The following STK38L variants were observed in gnomAD, a reference collection of about 807,000 sequenced individuals.
STK38L encodes the protein serine/threonine-protein kinase 38-like.
STK38L carries 28 observed loss-of-function variants against 59.7 expected under a neutral mutation model. The ratio of observed to expected loss-of-function variants is 0.47; its 90% CI spans 0.35 to 0.64. The LOEUF (loss-of-function observed/expected upper bound fraction) is 0.64. Among genes scored for constraint, STK38L ranks in the 30% least tolerant of loss-of-function variants. The pLI, the probability that STK38L is intolerant of heterozygous loss-of-function variation, is 0.01. For missense variants in STK38L, 314 were observed against 555.8 expected, an observed-to-expected ratio of 0.56 and a Z score of 4.37; for synonymous variants, 162 against 176.8, an observed-to-expected ratio of 0.92 and a Z score of 0.66.
intron 1 of STK38L, among the ~76,000 whole-genome samples, chr12:27,254,672 G>A (rs1174939764): frequency 1.3e-5 from 2 of 152,146 alleles, no homozygotes; most frequent in East Asian, 1.9e-4. Flanking sequence ...CTAGGCCAGC[G>A]GTTGGCAGCT....
chr12:27,317,878 G>C lies in STK38L; in HGVS notation c.956-18G>C, dbSNP rs765237975. On this transcript the variant is annotated intron_variant, in intron 10 of 13. Coordinates refer to ENST00000389032, the MANE Select transcript of STK38L (RefSeq NM_015000.4). Reference sequence around the variant, plus strand: ...CTCACAAAGCTGATGAAACATTTTTGATTTATTTGATACATAGGATATCCA... The same window carrying C: ...CTCACAAAGCTGATGAAACATTTTTCATTTATTTGATACATAGGATATCCA... 8.1e-6 allele frequency: 13 copies of C among 1,610,386 alleles called. No homozygotes were observed. Among genetic ancestry groups the C allele is most frequent in the Non-Finnish European group, 1.1e-5 (13 of 1,179,012 alleles).
At chr12:27,273,250 G>A (rs552110974) in intron 1 of STK38L, among the ~76,000 whole-genome samples, 1 of 152,238 alleles carries the variant, frequency 6.6e-6, no homozygotes, top group South Asian at 2.1e-4. Context: ...GAGGCAGAAT[G>A]GGAGGGGTCC....
chr12:27,313,225 G>A (rs1414746501), intron 6 of STK38L, among the ~76,000 whole-genome samples: 1 of 147,258 alleles, frequency 6.8e-6, no homozygotes, highest in Non-Finnish European at 1.5e-5. Context: ...TCCGGCCTGG[G>A]CGAAAACAGC....
intron 1 of STK38L, among the ~76,000 whole-genome samples, chr12:27,254,340 A>C (rs1257304730): frequency 6.6e-6 from 1 of 152,258 alleles, no homozygotes; most frequent in Non-Finnish European, 1.5e-5. Flanking sequence ...ATTTTTTAAA[A>C]ATAACACAGT....
At chr12:27,316,828 A>G (rs1179469565) in intron 9 of STK38L, among the ~76,000 whole-genome samples, 3 of 152,206 alleles carry the variant, frequency 2.0e-5, no homozygotes, top group Non-Finnish European at 4.4e-5. Context: ...TCATCTTCAT[A>G]TCAACTCTAT....
chr12:27,249,048 G>A (rs1942917251), intron 1 of STK38L, among the ~76,000 whole-genome samples: 1 of 152,182 alleles, frequency 6.6e-6, no homozygotes. Context: ...AAAGGTGTGT[G>A]AGTAGGTCTA....
chr12:27,270,612 A>G (rs920419856), intron 1 of STK38L, among the ~76,000 whole-genome samples: 13 of 152,222 alleles, frequency 8.5e-5, no homozygotes, highest in African/African-American at 2.9e-4. Flanking sequence ...TCCTGACCTC[A>G]AGTAATCCAC....
chr12:27,291,406 T>G (rs1336792233), intron 1 of STK38L, among the ~76,000 whole-genome samples: 1 of 152,166 alleles, frequency 6.6e-6, no homozygotes, highest in Non-Finnish European at 1.5e-5. Context: ...GGCATCACCT[T>G]CTGTATTAAA....
At chr12:27,265,388 A>C (rs1943282580) in intron 1 of STK38L, among the ~76,000 whole-genome samples, 1 of 152,052 alleles carries the variant, frequency 6.6e-6, no homozygotes, top group South Asian at 2.1e-4. Flanking sequence ...GGGCTGCATT[A>C]TTTTTCATTA....
intron 1 of STK38L, among the ~76,000 whole-genome samples, chr12:27,275,030 A>G (rs1943503439): frequency 6.6e-6 from 1 of 152,154 alleles, no homozygotes; most frequent in South Asian, 2.1e-4. Context: ...CCAACAATCT[A>G]AATTGTAAAT....
intron 1 of STK38L, among the ~76,000 whole-genome samples, chr12:27,250,037 AACTAACATG>A (rs776887967): frequency 2.0e-4 from 30 of 152,202 alleles, no homozygotes; most frequent in Non-Finnish European, 3.5e-4. Context: ...AGATGGCAGA[AACTAACATG>A]AGGGCATGAT....
intron 1 of STK38L, among the ~76,000 whole-genome samples, chr12:27,249,803 C>T (rs1295593282): frequency 6.6e-6 from 1 of 152,166 alleles, no homozygotes; most frequent in Non-Finnish European, 1.5e-5. Context: ...AGAATTTCTA[C>T]ATGTTATAAT....
At chr12:27,280,724 C>T (rs1195110056) in intron 1 of STK38L, among the ~76,000 whole-genome samples, 3 of 152,176 alleles carry the variant, frequency 2.0e-5, no homozygotes. Context: ...CATTCTGATA[C>T]TTTTTTCCTA....
In STK38L at chr12:27,308,552, C is replaced by T. The variant is rs939424493; in HGVS notation, c.309+91C>T. On this transcript the variant is annotated intron_variant, in intron 4 of 13. Coordinates refer to ENST00000389032, the MANE Select transcript of STK38L (RefSeq NM_015000.4). This position sits in a 1 kb window ranked among gnomAD's most constrained non-coding sequence, Gnocchi z 4.5. ...TTAAAATATAATTCCTGGCTGGGTG[C>T]GGTGGCTCACGCCTGTAATCCCAAT... is the stretch of plus-strand genomic sequence containing the variant. 27 of 1,262,630 alleles carry T rather than the reference C, an allele frequency of 2.1e-5. No individual in the cohort carries two copies. Among genetic ancestry groups the T allele is most frequent in the East Asian group, 1.5e-4 (4 of 27,102 alleles). The allele number at this position is 1,262,630 out of a possible 1,614,324, so 78.2% of individuals were successfully genotyped here.
At chr12:27,312,528 T>A (rs1455017291) in intron 5 of STK38L, 21 bp from the exon 6 acceptor site, 17 of 1,609,934 alleles carry the variant, frequency 1.1e-5, no homozygotes, top group Non-Finnish European at 1.4e-5. Flanking sequence ...AATTATTTTT[T>A]TCAAAAATAT....
At chr12:27,246,386 A>G (rs541970725) in intron 1 of STK38L, among the ~76,000 whole-genome samples, 27 of 152,346 alleles carry the variant, frequency 1.8e-4, no homozygotes, top group African/African-American at 5.3e-4. Context: ...AGAGCCAGAA[A>G]GATTTGCATC....
chr12:27,273,515 C>T (rs1943468112), intron 1 of STK38L, among the ~76,000 whole-genome samples: 1 of 152,190 alleles, frequency 6.6e-6, no homozygotes, highest in African/African-American at 2.4e-5. Context: ...GGATCAAAAC[C>T]AAATGAGATA....
chr12:27,310,105 C>A (rs1181976044), intron 5 of STK38L, among the ~76,000 whole-genome samples: 1 of 152,070 alleles, frequency 6.6e-6, no homozygotes, highest in East Asian at 1.9e-4. Flanking sequence ...TAAAGTGAAA[C>A]CCATTGGCAT....
intron 1 of STK38L, among the ~76,000 whole-genome samples, chr12:27,285,342 T>A (rs1182369659): frequency 6.6e-6 from 1 of 152,228 alleles, no homozygotes; most frequent in African/African-American, 2.4e-5. Context: ...AAGCTTTGAA[T>A]GCTTTGAATG....
Sources: allele counts gnomAD v4.1 joint callset (sites outside exome capture counted in the v4.1 genomes callset), GRCh38; gene constraint gnomAD v4.1.1; non-coding constraint Gnocchi (gnomAD v3.1); transcripts MANE v1.5; gene names NCBI Gene and HGNC (gene_info 2026-07-23, HGNC 2026-07-21).